SUCLG2: variants seen among roughly 807,000 people sequenced by gnomAD.
The protein encoded by SUCLG2 is succinate-CoA ligase GDP-forming subunit beta.
Under a neutral mutation model 47.9 loss-of-function variants are expected in SUCLG2, and 42 were observed. That is an observed-to-expected ratio of 0.88 (90% CI 0.69 to 1.14). The LOEUF is 1.14. SUCLG2 is among the 50% of genes most tolerant of loss of function. The pLI is 0.00. For synonymous variants in SUCLG2, 195 were observed against 197.3 expected (o/e 0.99, Z 0.10); for missense variants, 571 against 525.9 (o/e 1.09, Z -0.84).
At chr3:67,458,592 A>G (rs1051038898) in intron 9 of SUCLG2, among the ~76,000 whole-genome samples, 2 of 152,208 alleles carry the variant, frequency 1.3e-5, no homozygotes, top group African/African-American at 2.4e-5. Context: ...CCATGACTCT[A>G]AATGAGTAGC....
chr3:67,399,845 G>A (rs540885050), intron 10 of SUCLG2, among the ~76,000 whole-genome samples: 81 of 152,276 alleles, frequency 5.3e-4, no homozygotes, highest in African/African-American at 1.9e-3. Flanking sequence ...GACTTTTAGT[G>A]TAGTACCAAA....
At chr3:67,366,794 G>A (rs892782872) in intron 10 of SUCLG2, among the ~76,000 whole-genome samples, 62 of 152,246 alleles carry the variant, frequency 4.1e-4, no homozygotes, top group Non-Finnish European at 8.8e-4. Context: ...GTATACTCAG[G>A]AGGCAAAGTT....
chr3:67,609,241 T>C (rs1700483609), intron 2 of SUCLG2, among the ~76,000 whole-genome samples: 1 of 151,256 alleles, frequency 6.6e-6, no homozygotes, highest in Non-Finnish European at 1.5e-5. Flanking sequence ...AGCAGACCCC[T>C]CCCTTCACGC....
chr3:67,392,986 T>C (rs1162572214), intron 10 of SUCLG2, among the ~76,000 whole-genome samples: 1 of 152,036 alleles, frequency 6.6e-6, no homozygotes, highest in African/African-American at 2.4e-5. Context: ...GAGAGATCAC[T>C]GTACTTTTTA....
intron 1 of SUCLG2, among the ~76,000 whole-genome samples, chr3:67,637,041 G>A (rs998764399): frequency 5.9e-5 from 9 of 152,102 alleles, no homozygotes; most frequent in Middle Eastern, 3.4e-3. Context: ...TGATGTCTAC[G>A]ACAGGAAGAG....
chr3:67,383,155 T>A (rs934885845), intron 10 of SUCLG2, among the ~76,000 whole-genome samples: 1 of 152,206 alleles, frequency 6.6e-6, no homozygotes, highest in Non-Finnish European at 1.5e-5. Flanking sequence ...GCATTGGCCA[T>A]CCATGTGGCC....
intron 4 of SUCLG2, among the ~76,000 whole-genome samples, chr3:67,521,862 A>T (rs1559556755): frequency 1.3e-5 from 2 of 151,766 alleles, no homozygotes; most frequent in Non-Finnish European, 2.9e-5. Context: ...TCAAGTATCT[A>T]CCTGCCTCAG....
chr3:67,628,651 C>T (rs758856734), intron 1 of SUCLG2, among the ~76,000 whole-genome samples: 2 of 152,084 alleles, frequency 1.3e-5, no homozygotes, highest in Non-Finnish European at 2.9e-5. Flanking sequence ...GATAGTAAGT[C>T]TCATGAGATC....
At chr3:67,397,711 A>C (rs901779354) in intron 10 of SUCLG2, among the ~76,000 whole-genome samples, 8 of 152,238 alleles carry the variant, frequency 5.3e-5, no homozygotes, top group African/African-American at 1.9e-4. Flanking sequence ...AGCATTGCCA[A>C]GTTAACCCTA....
At chr3:67,464,334 G>T (rs533511471) in intron 9 of SUCLG2, among the ~76,000 whole-genome samples, 6 of 152,286 alleles carry the variant, frequency 3.9e-5, no homozygotes, top group African/African-American at 1.4e-4. Flanking sequence ...CCTCATGGGT[G>T]TGCAATTTTA....
At chr3:67,524,522 T>C (rs901329981) in intron 4 of SUCLG2, among the ~76,000 whole-genome samples, 9 of 152,210 alleles carry the variant, frequency 5.9e-5, no homozygotes, top group African/African-American at 1.7e-4. Flanking sequence ...GCCCTAGTAC[T>C]AGCCCCAGGA....
At chr3:67,640,288 T>C (rs1395796080) in intron 1 of SUCLG2, among the ~76,000 whole-genome samples, 1 of 152,224 alleles carries the variant, frequency 6.6e-6, no homozygotes, top group East Asian at 1.9e-4. Flanking sequence ...ACAGCCATTT[T>C]GCAAAGTTAA....
At chr3:67,597,306 A>G (rs1708315769) in intron 2 of SUCLG2, among the ~76,000 whole-genome samples, 1 of 152,204 alleles carries the variant, frequency 6.6e-6, no homozygotes, top group Non-Finnish European at 1.5e-5. Flanking sequence ...AACAAAGCTT[A>G]CAATCATGAC....
intron 1 of SUCLG2, among the ~76,000 whole-genome samples, chr3:67,637,139 C>T (rs1701024475): frequency 6.6e-6 from 1 of 152,120 alleles, no homozygotes; most frequent in Admixed American, 6.5e-5. Context: ...GATTTGTCAA[C>T]ATCATCATTA....
chr3:67,646,738 C>G (rs1701198051), intron 1 of SUCLG2, among the ~76,000 whole-genome samples: 2 of 152,126 alleles, frequency 1.3e-5, no homozygotes, highest in Non-Finnish European at 2.9e-5. Context: ...AGAGTTAAAC[C>G]CGGGCAGTCT....
chr3:67,552,884 A>G (rs138629028), intron 2 of SUCLG2, among the ~76,000 whole-genome samples: 228 of 152,344 alleles, frequency 1.5e-3, no homozygotes, highest in Non-Finnish European at 2.6e-3. Flanking sequence ...CAGCAGTCTC[A>G]TCATCTTTCT....
chr3:67,606,647 TCTTA>T (rs1700424116), intron 2 of SUCLG2, among the ~76,000 whole-genome samples: 1 of 152,212 alleles, frequency 6.6e-6, no homozygotes, highest in African/African-American at 2.4e-5. Context: ...CAGGTTTAGA[TCTTA>T]TTTTACTGGG....
At chr3:67,417,913 T>C (rs1703071046) in intron 9 of SUCLG2, among the ~76,000 whole-genome samples, 1 of 152,206 alleles carries the variant, frequency 6.6e-6, no homozygotes, top group Non-Finnish European at 1.5e-5. Context: ...GTTTGAAAGT[T>C]ATTCTTTAAT....
At chr3:67,636,046 T>A (rs1369807300) in intron 1 of SUCLG2, among the ~76,000 whole-genome samples, 2 of 152,196 alleles carry the variant, frequency 1.3e-5, no homozygotes, top group African/African-American at 4.8e-5. Flanking sequence ...CAAGCGGAGA[T>A]GTTCTTTTCT....
Sources: gnomAD v4.1 joint callset for allele counts (sites outside exome capture counted in the v4.1 genomes callset) on GRCh38, gnomAD v4.1.1 for gene constraint, MANE v1.5 for transcripts, NCBI Gene and HGNC (gene_info 2026-07-23, HGNC 2026-07-21) for gene names.